SQOR: variants seen among roughly 807,000 people sequenced by gnomAD.
SQOR encodes the protein sulfide quinone oxidoreductase.
Under a neutral mutation model 48.6 loss-of-function variants are expected in SQOR, and 39 were observed. That is an observed-to-expected ratio of 0.80 (90% CI 0.62 to 1.05). The LOEUF (loss-of-function observed/expected upper bound fraction) is 1.05. Among genes scored for constraint, SQOR ranks in the 50% least tolerant of loss-of-function variants. The probability of loss-of-function intolerance (pLI) is 0.00; values close to 1 mark genes in which losing one functional copy is unlikely to be tolerated. For missense variants in SQOR, 561 were observed against 559.9 expected (o/e 1.00, Z -0.02); for synonymous variants, 220 against 206.2 (o/e 1.07, Z -0.57).
intron 3 of SQOR, among the ~76,000 whole-genome samples, chr15:45,668,031 A>G (rs1471907922): frequency 2.9e-5 from 4 of 136,254 alleles, no homozygotes; most frequent in Non-Finnish European, 6.1e-5. Context: ...TGCAACCTCT[A>G]CCTCCTGGAT....
intron 7 of SQOR, among the ~76,000 whole-genome samples, chr15:45,683,112 T>C (rs1890154046): frequency 6.6e-6 from 1 of 151,628 alleles, no homozygotes; most frequent in East Asian, 1.9e-4. Context: ...ACCTTTTGAG[T>C]GCTTTGCCCC....
chr15:45,659,105 G>T lies in SQOR; in HGVS notation c.182G>T (p.Arg61Leu). The part of the protein sequence containing the change: ...GGSGGITMAA[R>L]MKRKVGAENV... ...AGTGGCGGAATCACCATGGCTGCCCGCATGAAGAGGAAAGTGGGTGCAGAG... is the reference window on the plus strand; with the variant it reads ...AGTGGCGGAATCACCATGGCTGCCCTCATGAAGAGGAAAGTGGGTGCAGAG... The change falls in exon 2 of 10, where the codon CGC (arginine) becomes CTC (leucine). Residue 61 changes from arginine (R) to leucine (L), a missense_variant. Physicochemically the swap from Arg to Leu is moderately radical, Grantham distance 102 (BLOSUM62 -2). Coordinates refer to ENST00000260324, the MANE Select transcript of SQOR (RefSeq NM_021199.4). The T allele has an allele frequency of 1.3e-6, 2 of 1,579,580 alleles. No individual in the cohort carries two copies. Among genetic ancestry groups the T allele is most frequent in the Middle Eastern group, 1.9e-4 (1 of 5,334 alleles).
chr15:45,672,425 C>T (rs1889961260), intron 4 of SQOR, among the ~76,000 whole-genome samples: 1 of 152,072 alleles, frequency 6.6e-6, no homozygotes, highest in Non-Finnish European at 1.5e-5. Context: ...CTAACTGTAA[C>T]AGGGGTGAAC....
chr15:45,634,122 G>A (rs1454062896), upstream of SQOR, among the ~76,000 whole-genome samples: 4 of 147,646 alleles, frequency 2.7e-5, no homozygotes, highest in East Asian at 8.1e-4. Flanking sequence ...GTTGCAGTGA[G>A]CCGAGATTGC....
At chr15:45,637,108 A>G (rs984663235) in intron 1 of SQOR, among the ~76,000 whole-genome samples, 1 of 151,794 alleles carries the variant, frequency 6.6e-6, no homozygotes, top group African/African-American at 2.4e-5. Context: ...CAGCATCCCT[A>G]GTAGCTGGGA....
intron 5 of SQOR, among the ~76,000 whole-genome samples, chr15:45,675,071 C>A (rs1056772786): frequency 1.1e-4 from 17 of 152,156 alleles, no homozygotes; most frequent in African/African-American, 3.9e-4. Flanking sequence ...CATTCTGGGT[C>A]ATAAAGGGCT....
chr15:45,655,919 T>TCA (rs1324740931), intron 1 of SQOR, among the ~76,000 whole-genome samples: 2 of 152,132 alleles, frequency 1.3e-5, no homozygotes, highest in African/African-American at 4.8e-5. Flanking sequence ...TCTCCTGACC[T>TCA]TGTGATCCGC....
intron 1 of SQOR, among the ~76,000 whole-genome samples, chr15:45,642,043 T>G (rs1895113652): frequency 6.6e-6 from 1 of 152,196 alleles, no homozygotes; most frequent in Admixed American, 6.6e-5. Flanking sequence ...AGACTCTTCT[T>G]ACCCATCACT....
chr15:45,632,090 C>G (rs1484474535), upstream of SQOR: 2 of 152,214 alleles, frequency 1.3e-5, no homozygotes. Context: ...TTGAAGTATT[C>G]TCTTTTGCAT....
upstream of SQOR, among the ~76,000 whole-genome samples, chr15:45,634,149 CAG>C (rs2140933768): frequency 7.3e-6 from 1 of 136,824 alleles, no homozygotes; most frequent in Non-Finnish European, 1.6e-5. Flanking sequence ...CACTGCGCTC[CAG>C]CCTGGGCAAC....
intron 7 of SQOR, 61 bp downstream of exon 7, chr15:45,682,722 T>C (rs1301562575): frequency 6.4e-7 from 1 of 1,574,446 alleles, no homozygotes; most frequent in Non-Finnish European, 8.7e-7. Context: ...GGCATGATTG[T>C]AACAAAAACA....
chr15:45,689,112 C>T lies in SQOR; in HGVS notation c.1190C>T (p.Ala397Val), dbSNP rs1159559619. 3 of 1,614,168 alleles carry T rather than the reference C, an allele frequency of 1.9e-6. No individual in the cohort carries two copies. Among genetic ancestry groups the T allele is most frequent in the South Asian group, 1.1e-5 (1 of 91,078 alleles). ...RVILAEFDYK[A>V]EPLETFPFDQ... Reference sequence around the variant, plus strand: ...ATTCTTGCTGAGTTTGACTACAAAGCAGAGCCGCTAGAAACCTTCCCCTTT... The same window carrying T: ...ATTCTTGCTGAGTTTGACTACAAAGTAGAGCCGCTAGAAACCTTCCCCTTT... The change falls in exon 9 of 10, where the codon GCA becomes GTA. Residue 397 changes from alanine (A) to valine (V), a missense_variant. Physicochemically the swap from Ala to Val is moderately conservative, Grantham distance 64 (BLOSUM62 0). Coordinates refer to ENST00000260324, the MANE Select transcript of SQOR (RefSeq NM_021199.4).
At chr15:45,639,607 T>G (rs562869276) in intron 1 of SQOR, among the ~76,000 whole-genome samples, 3 of 152,380 alleles carry the variant, frequency 2.0e-5, no homozygotes, top group East Asian at 3.9e-4. Context: ...GTGATTTCAC[T>G]CTATGATAAC....
intron 8 of SQOR, among the ~76,000 whole-genome samples, chr15:45,688,715 G>A (rs1467387004): frequency 6.6e-6 from 1 of 152,060 alleles, no homozygotes; most frequent in Non-Finnish European, 1.5e-5. Context: ...GTTTCTCCAT[G>A]TTGGTCAGGC....
chr15:45,689,077 C>T lies in SQOR; in HGVS notation c.1155C>T (p.Tyr385=). 1 of 1,614,170 alleles carries T rather than the reference C, an allele frequency of 6.2e-7. No individual in the cohort carries two copies. The highest frequency in any genetic ancestry group is 1.1e-5 in the South Asian group (1 of 91,086). Residue 385 remains tyrosine (Y), a synonymous_variant, in exon 9 of 10, where the codon TAC becomes TAT. Coordinates refer to ENST00000260324, the MANE Select transcript of SQOR (RefSeq NM_021199.4). ...GYTSCPLVTG[Y]NRVILAEFDY... Reference sequence around the variant, plus strand: ...CATCATGTCCACTGGTGACCGGCTACAACCGTGTGATTCTTGCTGAGTTTG... The same window carrying T: ...CATCATGTCCACTGGTGACCGGCTATAACCGTGTGATTCTTGCTGAGTTTG...
At chr15:45,655,218 C>A (rs1269371773) in intron 1 of SQOR, among the ~76,000 whole-genome samples, 1 of 152,188 alleles carries the variant, frequency 6.6e-6, no homozygotes, top group Non-Finnish European at 1.5e-5. Flanking sequence ...GGCTGGAAAC[C>A]AGAAACTTAG....
chr15:45,674,137 G>T (rs577045063), intron 5 of SQOR: 3 of 251,196 alleles, frequency 1.2e-5, no homozygotes, highest in Non-Finnish European at 2.3e-5. Context: ...TTAAATGTGT[G>T]TGTAAAAGTC....
intron 5 of SQOR, among the ~76,000 whole-genome samples, chr15:45,674,748 C>T (rs1489159660): frequency 3.3e-5 from 5 of 152,354 alleles, no homozygotes; most frequent in African/African-American, 1.2e-4. Flanking sequence ...GAGCAGTTGT[C>T]TGCAGCTCAA....
chr15:45,671,851 C>A (rs1254149715), intron 4 of SQOR, among the ~76,000 whole-genome samples: 1 of 152,136 alleles, frequency 6.6e-6, no homozygotes, highest in Non-Finnish European at 1.5e-5. Flanking sequence ...GTCCACGGCT[C>A]CCCAGTGCAC....
Sources: allele counts gnomAD v4.1 joint callset (sites outside exome capture counted in the v4.1 genomes callset), GRCh38; gene constraint gnomAD v4.1.1; transcripts MANE v1.5; gene names NCBI Gene and HGNC (gene_info 2026-07-23, HGNC 2026-07-21).